GDA: variants seen among roughly 807,000 people sequenced by gnomAD.
GDA encodes the protein guanine deaminase, also known as cytoplasmic PSD-95 interactor.
In GDA, 18 loss-of-function variants were observed where a neutral mutation model predicts 59.6. The observed-to-expected ratio is 0.30, with a 90% CI of 0.21 to 0.45. GDA has a LOEUF of 0.45. Ranked by LOEUF, GDA falls within the 20% of genes least tolerant of loss-of-function variation. The pLI is 1.00. For missense variants in GDA, 427 were observed against 552.3 expected (o/e 0.77, Z 2.27); for synonymous variants, 201 against 201.1 (o/e 1.00, Z 0.00).
rs576848901 is a variant in GDA at position 72,189,610 on chromosome 9, G to A, written c.124-5890G>A. 2.6e-5 allele frequency among the ~76,000 whole-genome samples: 4 copies of A among 152,266 alleles called. No individual in the cohort carries two copies. The East Asian group carries it at 7.7e-4, about 29-fold the overall frequency. On this transcript the variant is annotated intron_variant, in intron 1 of 13. Transcript: ENST00000358399. The stretch of plus-strand genomic sequence containing the variant: ...AATTCTAGCACTTTGGGAAGCCAAG[G>A]CAGGAAGATCAGTTGAGCTCAGGAG...
chr9:72,194,582 G>A (rs752469164), intron 1 of GDA, among the ~76,000 whole-genome samples: 23 of 152,218 alleles, frequency 1.5e-4, no homozygotes, highest in Non-Finnish European at 2.6e-4. Context: ...GGAGTTAGGG[G>A]AGGGGTGATG....
At chr9:72,192,224 T>C (rs1438869881) in intron 1 of GDA, among the ~76,000 whole-genome samples, 1 of 27,194 alleles carries the variant, frequency 3.7e-5, no homozygotes. Context: ...TCAAATAGCC[T>C]TTTTTTTTTT....
intron 1 of GDA, among the ~76,000 whole-genome samples, chr9:72,163,283 A>G (rs1259386486): frequency 6.6e-6 from 1 of 152,186 alleles, no homozygotes; most frequent in Non-Finnish European, 1.5e-5. Flanking sequence ...AATCTCTGAA[A>G]TGAAAACATT....
intron 1 of GDA, among the ~76,000 whole-genome samples, chr9:72,125,319 ACTCCCTCC>A (rs144585463): frequency 1.6e-5 from 2 of 127,388 alleles, no homozygotes; most frequent in African/African-American, 5.9e-5. Context: ...TCCTTCCTTT[ACTCCCTCC>A]CTCCCTCCCT....
chr9:72,242,625 T>C (rs1414160056), intron 11 of GDA, among the ~76,000 whole-genome samples: 1 of 152,230 alleles, frequency 6.6e-6, no homozygotes, highest in Non-Finnish European at 1.5e-5. Flanking sequence ...GGGACTATGA[T>C]GAACACCATA....
At position 72,250,903 on chromosome 9, in the gene GDA, A is replaced by G; in HGVS notation, c.*2561A>G. ...CACAAAATATTTTTGCAACCAGAAC[A>G]CAAAAGCAGGCTAGTCAGCTAAGGT... On this transcript the variant is annotated 3_prime_UTR_variant, in exon 14 of 14. Coordinates refer to ENST00000358399, the MANE Select transcript of GDA (RefSeq NM_004293.5). 2.1e-6 allele frequency: 3 copies of G among 1,405,184 alleles called. No homozygotes were observed. Among genetic ancestry groups the G allele is most frequent in the Non-Finnish European group, 3.0e-6 (3 of 1,000,728 alleles). 87.0% of individuals were successfully genotyped at this position (1,405,184 alleles called of 1,614,324 possible).
chr9:72,174,769 G>T (rs1052647656), intron 1 of GDA, among the ~76,000 whole-genome samples: 18 of 152,126 alleles, frequency 1.2e-4, no homozygotes, highest in Middle Eastern at 3.4e-3. Context: ...TATAGAGAGA[G>T]AGAGAGAGAG....
At chr9:72,149,756 C>T in intron 1 of GDA, 74 bp downstream of exon 1, 2 of 1,451,976 alleles carry the variant, frequency 1.4e-6, no homozygotes, top group Middle Eastern at 1.8e-4. Context: ...CGGTGCTTCG[C>T]GTAGCCCGGG....
intron 2 of GDA, among the ~76,000 whole-genome samples, chr9:72,200,591 A>G (rs185936028): frequency 9.5e-4 from 117 of 122,796 alleles, no homozygotes; most frequent in African/African-American, 3.6e-3. Context: ...TAAATATAGT[A>G]GACATTGGGA....
At chr9:72,255,369 A>G (rs1840859930), downstream of GDA, among the ~76,000 whole-genome samples, 1 of 152,160 alleles carries the variant, frequency 6.6e-6, no homozygotes, top group East Asian at 1.9e-4. Flanking sequence ...GAGGGCATCT[A>G]TGGATTGCTT....
chr9:72,137,448 G>A (rs1826279400), intron 1 of GDA, among the ~76,000 whole-genome samples: 1 of 151,756 alleles, frequency 6.6e-6, no homozygotes, highest in African/African-American at 2.4e-5. Context: ...GGGTTTCACT[G>A]TGTTAGCCAG....
intron 1 of GDA, among the ~76,000 whole-genome samples, chr9:72,133,308 A>ATAAT (rs1554722432): frequency 0.022 from 2,256 of 101,194 alleles, 40 homozygotes; most frequent in Middle Eastern, 0.054. Context: ...AAAAAAAAAA[A>ATAAT]AATAATAATA....
chr9:72,219,271 C>T (rs1587696002), intron 5 of GDA, among the ~76,000 whole-genome samples: 1 of 151,668 alleles, frequency 6.6e-6, no homozygotes, highest in South Asian at 2.1e-4. Context: ...GACGTGGTGG[C>T]GGGTGCCTGT....
chr9:72,190,874 T>C (rs1267135509), intron 1 of GDA, among the ~76,000 whole-genome samples: 3 of 152,200 alleles, frequency 2.0e-5, no homozygotes, highest in Admixed American at 1.3e-4. Context: ...GTAAAAAGTT[T>C]TTTTCATCCA....
At chr9:72,227,921 C>G (rs758297575) in intron 8 of GDA, 22 bp from the exon 9 acceptor site, 1 of 1,321,286 alleles carries the variant, frequency 7.6e-7, no homozygotes, top group African/African-American at 1.4e-5. Flanking sequence ...GTAAACTCCA[C>G]GTAGGGCACT....
intron 1 of GDA, among the ~76,000 whole-genome samples, chr9:72,151,210 A>G (rs1827158906): frequency 6.6e-6 from 1 of 152,208 alleles, no homozygotes; most frequent in Non-Finnish European, 1.5e-5. Flanking sequence ...CAGGGAGTCT[A>G]TTCCTCACTA....
In GDA at chr9:72,150,341, GCACACA is replaced by G. The variant is rs796802920; in HGVS notation, c.123+671_123+676del. 2.0e-5 allele frequency among the ~76,000 whole-genome samples: 3 copies of G among 148,318 alleles called. No individual in the cohort carries two copies. In the South Asian group the frequency reaches 6.5e-4, roughly 32 times the overall value. On this transcript the variant is annotated intron_variant, in intron 1 of 13. Coordinates refer to ENST00000358399, the MANE Select transcript of GDA (RefSeq NM_004293.5). ...CGTACACACACACACACACACGCAC[GCACACA>G]CACACACACACCATAGCCATTTGCA...
chr9:72,229,020 G>A (rs2131635175), intron 9 of GDA: 1 of 152,192 alleles, frequency 6.6e-6, no homozygotes, highest in East Asian at 1.9e-4. Flanking sequence ...AAAAACCCAT[G>A]CTTGTGGCTG....
downstream of GDA, among the ~76,000 whole-genome samples, chr9:72,252,501 A>G (rs1266075707): frequency 6.6e-6 from 1 of 152,188 alleles, no homozygotes; most frequent in Non-Finnish European, 1.5e-5. Context: ...GACATTACCC[A>G]GAGTGAGTAA....
Sources: gnomAD v4.1 joint callset for allele counts (sites outside exome capture counted in the v4.1 genomes callset) on GRCh38, gnomAD v4.1.1 for gene constraint, MANE v1.5 for transcripts, NCBI Gene and HGNC (gene_info 2026-07-23, HGNC 2026-07-21) for gene names.